NAALADL2: variants seen among roughly 807,000 people sequenced by gnomAD.
NAALADL2 encodes the protein N-acetylated alpha-linked acidic dipeptidase like 2, also known as inactive N-acetylated-alpha-linked acidic dipeptidase-like protein 2.
A neutral mutation model predicts 87.2 loss-of-function variants in NAALADL2; 76 were observed. That is an observed-to-expected ratio of 0.87 (90% confidence interval 0.72 to 1.05). The LOEUF (loss-of-function observed/expected upper bound fraction) is 1.05. NAALADL2 is among the 50% of genes least tolerant of loss of function. NAALADL2 has a pLI of 0.00. For synonymous variants in NAALADL2, 354 were observed against 331.0 expected, an observed-to-expected ratio of 1.07 and a Z score of -0.75; for missense variants, 1,089 against 945.8, an observed-to-expected ratio of 1.15 and a Z score of -1.99.
chr3:174,497,861 T>C (rs1290397818), intron 1 of NAALADL2, among the ~76,000 whole-genome samples: 4 of 152,178 alleles, frequency 2.6e-5, no homozygotes, highest in Non-Finnish European at 5.9e-5. Flanking sequence ...GAGTTGTTAA[T>C]GTAAAAAACT....
chr3:175,138,578 G>A (rs1197922248), intron 2 of NAALADL2, among the ~76,000 whole-genome samples: 2 of 150,896 alleles, frequency 1.3e-5, no homozygotes, highest in African/African-American at 4.9e-5. Context: ...GCAAACTTAC[G>A]AAAAATGGCT....
chr3:175,645,249 C>T (rs950821056), intron 11 of NAALADL2, among the ~76,000 whole-genome samples: 4 of 152,004 alleles, frequency 2.6e-5, no homozygotes, highest in African/African-American at 9.7e-5. Flanking sequence ...TACTGCCTCA[C>T]ATCCCGACTC....
chr3:175,295,120 G>A (rs1369661844), intron 4 of NAALADL2, among the ~76,000 whole-genome samples: 2 of 152,168 alleles, frequency 1.3e-5, no homozygotes, highest in Non-Finnish European at 2.9e-5. Flanking sequence ...TCTAGTAAAT[G>A]TTAACCTGAG....
intron 2 of NAALADL2, among the ~76,000 whole-genome samples, chr3:174,566,921 A>G (rs772351637): frequency 6.6e-6 from 1 of 151,468 alleles, no homozygotes; most frequent in Non-Finnish European, 1.5e-5. Context: ...TTGATGATAG[A>G]TTTTTTTTCC....
chr3:174,759,850 G>A (rs1712674610), intron 3 of NAALADL2, among the ~76,000 whole-genome samples: 1 of 151,948 alleles, frequency 6.6e-6, no homozygotes, highest in African/African-American at 2.4e-5. Context: ...ACAGGCACCT[G>A]CCACCACACC....
At chr3:175,719,717 T>C (rs1226817670) in intron 11 of NAALADL2, among the ~76,000 whole-genome samples, 1 of 152,194 alleles carries the variant, frequency 6.6e-6, no homozygotes, top group African/African-American at 2.4e-5. Context: ...CTTGGAAATA[T>C]ACTGCCTCTT....
intron 1 of NAALADL2, among the ~76,000 whole-genome samples, chr3:175,013,696 A>T (rs1224914522): frequency 6.6e-6 from 1 of 152,068 alleles, no homozygotes; most frequent in African/African-American, 2.4e-5. Flanking sequence ...AAGAATTTGA[A>T]CCACACCCCT....
At chr3:174,879,366 C>T (rs1156454100) in intron 1 of NAALADL2, among the ~76,000 whole-genome samples, 1 of 151,954 alleles carries the variant, frequency 6.6e-6, no homozygotes, top group Non-Finnish European at 1.5e-5. Context: ...AATACTGTCT[C>T]CAAGTTAAAA....
At chr3:174,799,124 C>T (rs185196958) in intron 3 of NAALADL2, among the ~76,000 whole-genome samples, 4 of 150,896 alleles carry the variant, frequency 2.7e-5, no homozygotes, top group African/African-American at 9.7e-5. Context: ...GAGCCATGAT[C>T]GTGCCACTGC....
At chr3:175,457,429 C>G (rs1485688253) in intron 6 of NAALADL2, among the ~76,000 whole-genome samples, 1 of 152,062 alleles carries the variant, frequency 6.6e-6, no homozygotes, top group Admixed American at 6.6e-5. Context: ...AGCATACTGC[C>G]CCAAACCACT....
intron 2 of NAALADL2, among the ~76,000 whole-genome samples, chr3:174,631,553 G>A (rs924731311): frequency 1.3e-5 from 2 of 152,114 alleles, no homozygotes; most frequent in African/African-American, 4.8e-5. Context: ...ATAAAAGTGG[G>A]TATATGTGTT....
At chr3:174,970,372 T>G in intron 1 of NAALADL2, among the ~76,000 whole-genome samples, 1 of 152,210 alleles carries the variant, frequency 6.6e-6, no homozygotes, top group East Asian at 1.9e-4. Context: ...TGCTCAGGGT[T>G]TCATTAAATA....
chr3:175,661,511 T>G (rs1304188077), intron 11 of NAALADL2, among the ~76,000 whole-genome samples: 1 of 152,084 alleles, frequency 6.6e-6, no homozygotes, highest in Non-Finnish European at 1.5e-5. Context: ...TTTAGCTTAA[T>G]GTAATCCCAT....
intron 1 of NAALADL2, among the ~76,000 whole-genome samples, chr3:174,890,687 C>A (rs1035317842): frequency 6.6e-6 from 1 of 152,070 alleles, no homozygotes; most frequent in Non-Finnish European, 1.5e-5. Context: ...GTGTGAGAAC[C>A]TTTATATTCC....
intron 3 of NAALADL2, among the ~76,000 whole-genome samples, chr3:174,812,939 AAAGT>A (rs1720382821): frequency 6.6e-6 from 1 of 152,188 alleles, no homozygotes; most frequent in South Asian, 2.1e-4. Context: ...AAGACATTAA[AAAGT>A]TTATAAACTA....
intron 1 of NAALADL2, among the ~76,000 whole-genome samples, chr3:174,979,329 G>T (rs113265876): frequency 5.3e-5 from 6 of 113,118 alleles, no homozygotes; most frequent in South Asian, 2.5e-4. Context: ...TTTTTGAGAC[G>T]GAGTCTCGCT....
intron 1 of NAALADL2, among the ~76,000 whole-genome samples, chr3:174,878,745 T>C (rs746777848): frequency 6.6e-6 from 1 of 152,018 alleles, no homozygotes; most frequent in Non-Finnish European, 1.5e-5. Flanking sequence ...CCCCTTCTGC[T>C]GTTCATTAAA....
chr3:175,463,488 C>CT lies in NAALADL2; in HGVS notation c.1323dup (p.Pro442SerfsTer18). 1.9e-6 allele frequency: 3 copies of CT among 1,574,728 alleles called. No individual in the cohort carries two copies. Among genetic ancestry groups the CT allele is most frequent in the Non-Finnish European group, 2.6e-6 (3 of 1,153,112 alleles). ...GTTGGATTTGTAATGGGCTTGACAT[C>CT]TCCAGGTAAGTAGGGTTGAAAATTT... On this transcript the variant is annotated frameshift_variant, in exon 7 of 14. Coordinates refer to ENST00000454872, the MANE Select transcript of NAALADL2 (RefSeq NM_207015.3). LOFTEE classifies it high-confidence loss of function.
chr3:175,277,174 A>G (rs938100352), intron 4 of NAALADL2, among the ~76,000 whole-genome samples: 2 of 152,114 alleles, frequency 1.3e-5, no homozygotes, highest in African/African-American at 4.8e-5. Context: ...TGATTTTCAC[A>G]TTTTATTTCT....
Sources: allele counts gnomAD v4.1 joint callset (sites outside exome capture counted in the v4.1 genomes callset), GRCh38; gene constraint gnomAD v4.1.1; transcripts MANE v1.5; gene names NCBI Gene and HGNC (gene_info 2026-07-23, HGNC 2026-07-21).